ATG10: variants seen among roughly 807,000 people sequenced by gnomAD.
ATG10 encodes the protein autophagy related 10.
In ATG10, 30 loss-of-function variants were observed where a neutral mutation model predicts 32.1. The observed-to-expected ratio is 0.94, with a 90% confidence interval of 0.70 to 1.27. ATG10 has a LOEUF of 1.27. Among genes scored for constraint, ATG10 ranks in the 50% most tolerant of loss-of-function variants. The probability of loss-of-function intolerance (pLI) is 0.00; values close to 1 mark genes in which losing one functional copy is unlikely to be tolerated. For missense variants in ATG10, 233 were observed against 262.3 expected (o/e 0.89, Z 0.77); for synonymous variants, 87 against 91.5 (o/e 0.95, Z 0.28).
intron 2 of ATG10, among the ~76,000 whole-genome samples, chr5:82,045,008 C>T (rs1165991262): frequency 6.6e-6 from 1 of 152,118 alleles, no homozygotes; most frequent in African/African-American, 2.4e-5. Flanking sequence ...GTTAGTAATA[C>T]TCAGGGCTCT....
intron 3 of ATG10, among the ~76,000 whole-genome samples, chr5:82,079,276 C>A (rs1205678092): frequency 6.6e-6 from 1 of 151,972 alleles, no homozygotes; most frequent in Non-Finnish European, 1.5e-5. Context: ...CTAGGGAGGC[C>A]TCACAATCAT....
chr5:82,046,208 A>G (rs1159764362), intron 2 of ATG10, among the ~76,000 whole-genome samples: 1 of 152,154 alleles, frequency 6.6e-6, no homozygotes, highest in Non-Finnish European at 1.5e-5. Context: ...TGAGTTGAAT[A>G]ATGTCTCCCC....
At chr5:82,014,916 C>T (rs887494560) in intron 2 of ATG10, among the ~76,000 whole-genome samples, 1 of 152,204 alleles carries the variant, frequency 6.6e-6, no homozygotes, top group East Asian at 1.9e-4. Context: ...CAGTTTCTTC[C>T]TAGCCTTGAC....
At chr5:82,044,307 G>A (rs1202727962) in intron 2 of ATG10, among the ~76,000 whole-genome samples, 1 of 152,054 alleles carries the variant, frequency 6.6e-6, no homozygotes, top group East Asian at 1.9e-4. Context: ...AGAACAGCAA[G>A]GGGAAAATCC....
intron 3 of ATG10, among the ~76,000 whole-genome samples, chr5:82,146,556 A>G (rs576432296): frequency 5.6e-4 from 84 of 149,376 alleles, no homozygotes; most frequent in African/African-American, 1.9e-3. Flanking sequence ...AGTTGTCTAT[A>G]TGTCTGATGT....
intron 3 of ATG10, chr5:82,073,554 C>G (rs1045563344): frequency 6.6e-6 from 1 of 152,130 alleles, no homozygotes; most frequent in Non-Finnish European, 1.5e-5. Flanking sequence ...CTCTTAAAGC[C>G]ACAAATCTCT....
rs1330526210 is a variant in ATG10 at position 82,139,123 on chromosome 5, C to T, written c.217-25276C>T. On this transcript the variant is annotated intron_variant, in intron 3 of 7. Transcript: ENST00000282185. ...CCTCCCGAGGTGCCGGGATTGCAGA[C>T]GGAGTCTCGTTCACTCAGTGCTCAA... is the stretch of plus-strand genomic sequence containing the variant. Among the ~76,000 whole-genome samples, 3 of 145,842 alleles carry T rather than the reference C, an allele frequency of 2.1e-5. No homozygotes were observed. In the South Asian group the frequency reaches 6.7e-4, roughly 33 times the overall value.
chr5:82,123,992 A>G (rs1204764163), intron 3 of ATG10, among the ~76,000 whole-genome samples: 1 of 151,972 alleles, frequency 6.6e-6, no homozygotes, highest in Non-Finnish European at 1.5e-5. Context: ...TTCCAATCCT[A>G]AACCACTAGT....
At chr5:82,170,253 G>A (rs1305334411) in intron 4 of ATG10, among the ~76,000 whole-genome samples, 1 of 151,986 alleles carries the variant, frequency 6.6e-6, no homozygotes, top group Non-Finnish European at 1.5e-5. Context: ...CTTACTATTG[G>A]CACAATGAGC....
chr5:82,164,513 C>A lies in ATG10; in HGVS notation c.331C>A (p.Leu111Ile). Reference sequence around the variant, plus strand: ...TTCCTGTAGCTACCAAGTGCCTGTACTTTACTTTAGGGCAAGCTTTTTAGG... The same window carrying A: ...TTCCTGTAGCTACCAAGTGCCTGTAATTTACTTTAGGGCAAGCTTTTTAGG... Reference protein sequence around the residue: ...LYSCSYQVPVLYFRASFLDGR... With the variant: ...LYSCSYQVPVIYFRASFLDGR... The change falls in exon 4 of 8, where the codon CTT becomes ATT. Residue 111 changes from leucine (L) to isoleucine (I), a missense_variant. Transcript: ENST00000282185. The A allele has an allele frequency of 6.2e-7, 1 of 1,613,184 alleles. No homozygotes were observed. The highest frequency in any genetic ancestry group is 8.5e-7 in the Non-Finnish European group (1 of 1,179,388).
chr5:82,234,002 G>T (rs1746462614), intron 5 of ATG10, among the ~76,000 whole-genome samples: 2 of 152,164 alleles, frequency 1.3e-5, no homozygotes, highest in South Asian at 4.1e-4. Flanking sequence ...ACAAGAGGAA[G>T]CAAAAGGGAT....
intron 3 of ATG10, among the ~76,000 whole-genome samples, chr5:82,102,276 TGG>T (rs1484046793): frequency 6.6e-6 from 1 of 152,126 alleles, no homozygotes; most frequent in East Asian, 1.9e-4. Context: ...GATGTTGGTG[TGG>T]TATGTATTTT....
intron 5 of ATG10, among the ~76,000 whole-genome samples, chr5:82,216,239 A>G (rs1233757252): frequency 2.0e-5 from 3 of 152,212 alleles, no homozygotes; most frequent in Non-Finnish European, 4.4e-5. Context: ...GCTTCAGAGT[A>G]AAAAGGAAGG....
At chr5:82,109,797 AAT>A (rs1010129644) in intron 3 of ATG10, among the ~76,000 whole-genome samples, 14 of 149,958 alleles carry the variant, frequency 9.3e-5, no homozygotes, top group South Asian at 2.1e-4. Context: ...TTTATTTTTT[AAT>A]ATATATATAT....
At position 82,197,720 on chromosome 5, in the gene ATG10, TTCTATCTATCTATCTATCTATCTA is replaced by T. The variant is rs10586711; in HGVS notation, c.453+19165_453+19188del. ...CCCATTATTTTCTTTCTTTCTTTCT[TTCTATCTATCTATCTATCTATCTA>T]TCTATCTATCTATCTATCTATCTAT... On this transcript the variant is annotated intron_variant, in intron 5 of 7. Coordinates refer to ENST00000282185, the MANE Select transcript of ATG10 (RefSeq NM_031482.5). Among the ~76,000 whole-genome samples, 225 of 143,936 alleles carry T rather than the reference TTCTATCTATCTATCTATCTATCTA, an allele frequency of 1.6e-3. 3 individuals carry two copies. The highest frequency in any genetic ancestry group is 6.8e-4 in the African/African-American group (26 of 38,108). 94.4% of individuals were successfully genotyped at this position (143,936 alleles called of 152,430 possible).
At chr5:82,180,991 G>A (rs1015060715) in intron 5 of ATG10, among the ~76,000 whole-genome samples, 2 of 152,092 alleles carry the variant, frequency 1.3e-5, no homozygotes, top group Non-Finnish European at 2.9e-5. Context: ...GAACCAATCT[G>A]TATATAGATT....
chr5:82,055,442 G>A (rs1763561395), intron 2 of ATG10, among the ~76,000 whole-genome samples: 1 of 152,064 alleles, frequency 6.6e-6, no homozygotes, highest in Non-Finnish European at 1.5e-5. Context: ...TAACATAGGT[G>A]CACACGAATT....
chr5:82,052,640 A>T (rs1309472047), intron 2 of ATG10, among the ~76,000 whole-genome samples: 1 of 152,192 alleles, frequency 6.6e-6, no homozygotes, highest in Non-Finnish European at 1.5e-5. Context: ...TCAAACCTTT[A>T]GAGGTTGCCA....
At chr5:82,089,959 T>C (rs891883322) in intron 3 of ATG10, among the ~76,000 whole-genome samples, 3 of 151,732 alleles carry the variant, frequency 2.0e-5, no homozygotes, top group Non-Finnish European at 4.4e-5. Flanking sequence ...GAAGGGAATA[T>C]ATAGATGACA....
Sources: gnomAD v4.1 joint callset for allele counts (sites outside exome capture counted in the v4.1 genomes callset) on GRCh38, gnomAD v4.1.1 for gene constraint, MANE v1.5 for transcripts, NCBI Gene and HGNC (gene_info 2026-07-23, HGNC 2026-07-21) for gene names.